OPRM1: variants seen among roughly 807,000 people sequenced by gnomAD.
OPRM1 encodes opioid receptor mu 1.
In OPRM1, 27 loss-of-function variants were observed where a neutral mutation model predicts 31.8. The observed-to-expected ratio is 0.85, with a 90% confidence interval of 0.63 to 1.17. The LOEUF (loss-of-function observed/expected upper bound fraction) is 1.17. OPRM1 is among the 50% of genes most tolerant of loss of function. The pLI, the probability that OPRM1 is intolerant of heterozygous loss-of-function variation, is 0.00. For missense variants in OPRM1, 536 were observed against 511.1 expected (o/e 1.05, Z -0.47); for synonymous variants, 196 against 189.9 (o/e 1.03, Z -0.26).
intron 3 of OPRM1, among the ~76,000 whole-genome samples, chr6:154,160,742 T>C (rs915777250): frequency 2.6e-5 from 4 of 152,190 alleles, no homozygotes; most frequent in African/African-American, 9.6e-5. Flanking sequence ...TCATCCTCCA[T>C]ATTAAAAACA....
At chr6:154,087,601 T>C in intron 1 of OPRM1, 1 of 985,110 alleles carries the variant, frequency 1.0e-6, no homozygotes, top group African/African-American at 1.7e-5. Flanking sequence ...GGAAAACTAA[T>C]ACACTCTTTG....
chr6:154,134,811 G>A (rs1223630727), downstream of OPRM1, among the ~76,000 whole-genome samples: 2 of 151,848 alleles, frequency 1.3e-5, no homozygotes, highest in Non-Finnish European at 2.9e-5. Context: ...TAGGACAAGA[G>A]TCCTAAAAAA....
intron 3 of OPRM1, among the ~76,000 whole-genome samples, chr6:154,201,995 A>G (rs1285904670): frequency 6.6e-6 from 1 of 152,230 alleles, no homozygotes; most frequent in East Asian, 1.9e-4. Context: ...AAACCCTCAG[A>G]ATCATTGCAA....
chr6:154,049,465 A>G (rs1434174941), intron 1 of OPRM1, among the ~76,000 whole-genome samples: 1 of 152,206 alleles, frequency 6.6e-6, no homozygotes, highest in Non-Finnish European at 1.5e-5. Context: ...ATGTCCACAC[A>G]GGTCCTCAAA....
intron 3 of OPRM1, among the ~76,000 whole-genome samples, chr6:154,220,857 C>A (rs1026265154): frequency 6.6e-6 from 1 of 152,206 alleles, no homozygotes; most frequent in African/African-American, 2.4e-5. Context: ...GTGATAAATA[C>A]GTGAATCATC....
intron 1 of OPRM1, among the ~76,000 whole-genome samples, chr6:154,023,131 T>A (rs920010065): frequency 6.6e-6 from 1 of 152,224 alleles, no homozygotes; most frequent in Non-Finnish European, 1.5e-5. Flanking sequence ...ATTTGTAGAT[T>A]GATGTCAGTA....
rs17181150 is a variant in OPRM1 at position 154,078,886 on chromosome 6, G to GAA, written c.291-10933_291-10932dup. On this transcript the variant is annotated intron_variant, in intron 1 of 3. Transcript: ENST00000330432. ...GAGCCAGACCTTATGTCAGGAGGGG[G>GAA]AAAAAAAATCATCCTAAAAGACTAA... Among the ~76,000 whole-genome samples the GAA allele has an allele frequency of 3.7e-3, 568 of 151,816 alleles. 2 individuals are homozygous for GAA. Among genetic ancestry groups the GAA allele is most frequent in the African/African-American group, 0.012 (487 of 41,378 alleles).
At chr6:154,190,974 T>C (rs907979117) in intron 3 of OPRM1, among the ~76,000 whole-genome samples, 1 of 152,040 alleles carries the variant, frequency 6.6e-6, no homozygotes, top group South Asian at 2.1e-4. Context: ...GAGAATGGCA[T>C]GAATCCAGGA....
At position 154,121,438 on chromosome 6, in the gene OPRM1, A is replaced by G. The variant is rs1048969902; in HGVS notation, c.*2717A>G. Reference sequence around the variant, plus strand: ...CTATCCCAACAGGGCTGTCAGACGGAGAACTCCTAATGTGGCCATTTGAAA... The same window carrying G: ...CTATCCCAACAGGGCTGTCAGACGGGGAACTCCTAATGTGGCCATTTGAAA... On this transcript the variant is annotated 3_prime_UTR_variant, in exon 4 of 4. Transcript: ENST00000330432. 6.6e-6 allele frequency among the ~76,000 whole-genome samples: 1 copy of G among 152,172 alleles called. No individual in the cohort carries two copies. Among genetic ancestry groups the G allele is most frequent in the South Asian group, 2.1e-4 (1 of 4,832 alleles).
intron 3 of OPRM1, among the ~76,000 whole-genome samples, chr6:154,237,187 A>G (rs1490059532): frequency 6.6e-6 from 1 of 152,056 alleles, no homozygotes; most frequent in Admixed American, 6.6e-5. Context: ...AAATCCTCAA[A>G]CCTAATGAAA....
rs949417943 is a variant in OPRM1, at chr6:154,099,916, T to A, written c.1164+8444T>A. ...ATATATTATATTATGATATATATCA[T>A]AACATGTATTATCATATTATGATAT... On this transcript the variant is annotated intron_variant, in intron 3 of 3. Transcript: ENST00000330432. Among the ~76,000 whole-genome samples the A allele has an allele frequency of 4.2e-5, 6 of 144,524 alleles. No individual in the cohort carries two copies. In the South Asian group the frequency reaches 1.1e-3, roughly 26 times the overall value. 94.8% of individuals were successfully genotyped at this position (144,524 alleles called of 152,430 possible).
chr6:154,070,723 A>G (rs990828948), intron 1 of OPRM1, among the ~76,000 whole-genome samples: 3 of 152,202 alleles, frequency 2.0e-5, no homozygotes, highest in Non-Finnish European at 4.4e-5. Context: ...TCCAAACCCA[A>G]TATTCTTACT....
Position 154,108,161 on chromosome 6 carries a change from ATT to A in OPRM1, c.1165-10512_1165-10511del, listed in dbSNP as rs35119352. Reference sequence around the variant, plus strand: ...CGGGCCAAGCTGCATCATAAAGGAAATTTTTTTTTTTCATTCTGGCCAGAGCA... The same window carrying A: ...CGGGCCAAGCTGCATCATAAAGGAAATTTTTTTTTCATTCTGGCCAGAGCA... On this transcript the variant is annotated intron_variant, in intron 3 of 3. Transcript: ENST00000330432. The A allele has an allele frequency of 7.7e-5, 34 of 439,540 alleles. 1 individual carries two copies. Among genetic ancestry groups the A allele is most frequent in the South Asian group, 1.7e-4 (3 of 17,770 alleles). 27.2% of individuals were successfully genotyped at this position (439,540 alleles called of 1,614,324 possible). A position where few individuals can be genotyped will look rare whatever the true frequency, so the allele number is the denominator to read the frequency against.
rs773013354 is a variant in OPRM1, at chr6:154,129,011, G to T, written c.*10290G>T. On this transcript the variant is annotated 3_prime_UTR_variant, in exon 4 of 4. Coordinates refer to ENST00000330432, the MANE Select transcript of OPRM1 (RefSeq NM_000914.5). ...TATTTTGAAGTATAGGAACCTCATG[G>T]TGTAGCAGGATGAGCCACAGACAAA... Among the ~76,000 whole-genome samples the T allele has an allele frequency of 1.3e-5, 2 of 152,084 alleles. No homozygotes were observed. Among genetic ancestry groups the T allele is most frequent in the African/African-American group, 2.4e-5 (1 of 41,410 alleles).
chr6:154,211,576 C>T (rs1371054638), intron 3 of OPRM1, among the ~76,000 whole-genome samples: 1 of 152,036 alleles, frequency 6.6e-6, no homozygotes, highest in Admixed American at 6.5e-5. Context: ...TCCTCATGAC[C>T]TAGAATAGGA....
At chr6:154,178,319 C>G (rs558115342) in intron 3 of OPRM1, among the ~76,000 whole-genome samples, 5 of 152,096 alleles carry the variant, frequency 3.3e-5, no homozygotes, top group African/African-American at 9.6e-5. Context: ...AATTACATAT[C>G]TGATTCAATA....
At chr6:154,172,213 A>G (rs1198671119) in intron 3 of OPRM1, among the ~76,000 whole-genome samples, 1 of 152,256 alleles carries the variant, frequency 6.6e-6, no homozygotes, top group Non-Finnish European at 1.5e-5. Context: ...TACAACTCCC[A>G]GTGAAATCAA....
At chr6:154,084,271 A>G (rs1231101017) in intron 1 of OPRM1, among the ~76,000 whole-genome samples, 1 of 152,184 alleles carries the variant, frequency 6.6e-6, no homozygotes, top group Non-Finnish European at 1.5e-5. Context: ...GAAGTCCTCC[A>G]TTCTCCCCTT....
At position 154,212,701 on chromosome 6, in the gene OPRM1, A is replaced by G. The variant is rs1778063195; in HGVS notation, c.1165-33992A>G. 12 of 1,053,050 alleles carry G rather than the reference A, an allele frequency of 1.1e-5. No homozygotes were observed. The East Asian group carries it at 2.9e-4, about 25-fold the overall frequency. The allele number at this position is 1,053,050 out of a possible 1,614,324, so 65.2% of individuals were successfully genotyped here. A position where few individuals can be genotyped will look rare whatever the true frequency, so the allele number is the denominator to read the frequency against. On this transcript the variant is annotated intron_variant, in intron 3 of 3. Coordinates refer to the OPRM1 transcript ENST00000337049. ...AAATTTATTGGTCAAGCTACTTCCT[A>G]TTCAATTGGAAGAAATGACATCCAC... is the stretch of plus-strand genomic sequence containing the variant.
Sources: gnomAD v4.1 joint callset for allele counts (sites outside exome capture counted in the v4.1 genomes callset) on GRCh38, gnomAD v4.1.1 for gene constraint, MANE v1.5 for transcripts, NCBI Gene and HGNC (gene_info 2026-07-23, HGNC 2026-07-21) for gene names.